The following ARHGAP15 variants were observed in gnomAD, a reference collection of about 807,000 sequenced individuals.
ARHGAP15 encodes rho GTPase-activating protein 15.
A neutral mutation model predicts 63.7 loss-of-function variants in ARHGAP15; 51 were observed. That is an observed-to-expected ratio of 0.80 (90% confidence interval 0.64 to 1.01). ARHGAP15 has a LOEUF of 1.01. ARHGAP15 is among the 50% of genes least tolerant of loss of function. The probability of loss-of-function intolerance (pLI) is 0.00; values close to 1 mark genes in which losing one functional copy is unlikely to be tolerated. For synonymous variants in ARHGAP15, 191 were observed against 193.8 expected, an observed-to-expected ratio of 0.99 and a Z score of 0.12; for missense variants, 560 against 564.6, an observed-to-expected ratio of 0.99 and a Z score of 0.08.
chr2:143,273,925 A>AT (rs1001245939), intron 6 of ARHGAP15, among the ~76,000 whole-genome samples: 14 of 151,864 alleles, frequency 9.2e-5, no homozygotes, highest in South Asian at 6.2e-4. Flanking sequence ...TATATTTTGT[A>AT]TTTTTTTTCT....
At chr2:143,223,821 G>A (rs1423297246) in intron 4 of ARHGAP15, among the ~76,000 whole-genome samples, 2 of 152,178 alleles carry the variant, frequency 1.3e-5, no homozygotes, top group Non-Finnish European at 2.9e-5. Context: ...GTGAGCAGGG[G>A]CCTGAATCCC....
chr2:143,627,805 G>A (rs1328573058), intron 12 of ARHGAP15, among the ~76,000 whole-genome samples: 1 of 151,986 alleles, frequency 6.6e-6, no homozygotes, highest in East Asian at 1.9e-4. Flanking sequence ...GCTATATTTT[G>A]CAGATGCTGT....
intron 13 of ARHGAP15, among the ~76,000 whole-genome samples, chr2:143,751,880 A>G (rs1311214673): frequency 6.6e-6 from 1 of 152,064 alleles, no homozygotes; most frequent in Non-Finnish European, 1.5e-5. Context: ...AGTTAATTAT[A>G]CCTGCCTAGA....
chr2:143,231,069 C>CATTTTTTTTTTT (rs1693414614), intron 5 of ARHGAP15, among the ~76,000 whole-genome samples: 1 of 125,458 alleles, frequency 8.0e-6, no homozygotes, highest in Non-Finnish European at 1.7e-5. Context: ...GATGTAATTC[C>CATTTTTTTTTTT]TTTTTTTTTT....
chr2:143,141,770 A>G (rs577854885), intron 1 of ARHGAP15, among the ~76,000 whole-genome samples: 1 of 152,276 alleles, frequency 6.6e-6, no homozygotes, highest in South Asian at 2.1e-4. Flanking sequence ...GCTTAGATTT[A>G]AAAATAATGA....
At chr2:143,201,393 A>G (rs1419658382) in intron 2 of ARHGAP15, among the ~76,000 whole-genome samples, 2 of 152,038 alleles carry the variant, frequency 1.3e-5, no homozygotes, top group African/African-American at 2.4e-5. Context: ...CATAATGGGC[A>G]TATATATGTA....
At chr2:143,334,956 C>T (rs1172799780) in intron 6 of ARHGAP15, among the ~76,000 whole-genome samples, 1 of 152,136 alleles carries the variant, frequency 6.6e-6, no homozygotes, top group Non-Finnish European at 1.5e-5. Context: ...AAGGCAAACA[C>T]TGGGATGAGA....
intron 11 of ARHGAP15, among the ~76,000 whole-genome samples, chr2:143,582,094 AT>A (rs1318062760): frequency 1.3e-5 from 2 of 152,188 alleles, no homozygotes; most frequent in Non-Finnish European, 2.9e-5. Context: ...CATCTTTCAC[AT>A]TATGAGGCTT....
At position 143,173,024 on chromosome 2, in the gene ARHGAP15, C is replaced by T. The variant is rs1192046447; in HGVS notation, c.165+17369C>T. ...GAGTGAACCAGACGATGTCAGTTGA[C>T]ATCCATGAATTTCAATAAAGAAGGG... On this transcript the variant is annotated intron_variant, in intron 2 of 13. Transcript: ENST00000295095. 3.3e-5 allele frequency among the ~76,000 whole-genome samples: 5 copies of T among 151,982 alleles called. No homozygotes were observed. The East Asian group carries it at 7.7e-4, about 23-fold the overall frequency.
intron 13 of ARHGAP15, among the ~76,000 whole-genome samples, chr2:143,717,893 G>A (rs1446300910): frequency 6.9e-6 from 1 of 144,752 alleles, no homozygotes; most frequent in African/African-American, 2.6e-5. Flanking sequence ...TTTTTTAATT[G>A]TGAAGGATCT....
intron 2 of ARHGAP15, among the ~76,000 whole-genome samples, chr2:143,163,220 A>G (rs1690367555): frequency 6.6e-6 from 1 of 151,898 alleles, no homozygotes; most frequent in South Asian, 2.1e-4. Flanking sequence ...CACTGACTCA[A>G]TTATCCCCCA....
chr2:143,748,539 A>C (rs1368893421), intron 13 of ARHGAP15, among the ~76,000 whole-genome samples: 1 of 152,230 alleles, frequency 6.6e-6, no homozygotes, highest in Admixed American at 6.5e-5. Flanking sequence ...CAGAAAAAAT[A>C]ATCACAATAT....
chr2:143,467,149 G>C (rs921068571), intron 8 of ARHGAP15, among the ~76,000 whole-genome samples: 1 of 151,476 alleles, frequency 6.6e-6, no homozygotes, highest in Non-Finnish European at 1.5e-5. Context: ...TATGACAGAG[G>C]GAAGATTTCT....
At chr2:143,240,409 A>G (rs1423532452) in intron 5 of ARHGAP15, among the ~76,000 whole-genome samples, 1 of 152,152 alleles carries the variant, frequency 6.6e-6, no homozygotes, top group Non-Finnish European at 1.5e-5. Context: ...CTATTCATGA[A>G]TTATTGAGTA....
intron 10 of ARHGAP15, among the ~76,000 whole-genome samples, chr2:143,529,308 A>G (rs1369362741): frequency 6.6e-6 from 1 of 152,020 alleles, no homozygotes; most frequent in Non-Finnish European, 1.5e-5. Flanking sequence ...CTACTTTCTT[A>G]CTATCTCTTG....
chr2:143,577,727 C>T (rs1696728903), intron 11 of ARHGAP15, among the ~76,000 whole-genome samples: 1 of 152,110 alleles, frequency 6.6e-6, no homozygotes, highest in South Asian at 2.1e-4. Context: ...GAATCACTCA[C>T]TGTGGCTAAG....
At chr2:143,209,119 G>A (rs1332556646) in intron 3 of ARHGAP15, among the ~76,000 whole-genome samples, 3 of 152,078 alleles carry the variant, frequency 2.0e-5, no homozygotes, top group Non-Finnish European at 4.4e-5. Flanking sequence ...GTTTTAAAAC[G>A]AAGGACATAG....
At chr2:143,173,946 G>A (rs1045346057) in intron 2 of ARHGAP15, among the ~76,000 whole-genome samples, 1 of 152,064 alleles carries the variant, frequency 6.6e-6, no homozygotes, top group Non-Finnish European at 1.5e-5. Flanking sequence ...GTCGTTCCGA[G>A]TTTTATTCTC....
intron 8 of ARHGAP15, among the ~76,000 whole-genome samples, chr2:143,464,666 CTT>C (rs1287152110): frequency 5.9e-5 from 9 of 152,134 alleles, no homozygotes; most frequent in African/African-American, 1.4e-4. Context: ...CGTTTTGCCT[CTT>C]TACTTGCTGA....
Sources: allele counts gnomAD v4.1 joint callset (sites outside exome capture counted in the v4.1 genomes callset), GRCh38; gene constraint gnomAD v4.1.1; transcripts MANE v1.5; gene names NCBI Gene and HGNC (gene_info 2026-07-23, HGNC 2026-07-21).